The following NELFCD variants were observed in gnomAD, a reference collection of about 807,000 sequenced individuals.
The protein encoded by NELFCD is negative elongation factor complex member C/D.
NELFCD carries 48 observed loss-of-function variants against 72.9 expected under a neutral mutation model. That is an observed-to-expected ratio of 0.66 (90% CI 0.52 to 0.84). The LOEUF (loss-of-function observed/expected upper bound fraction) is 0.84, where lower values mean the gene tolerates loss of function less well. NELFCD is among the 40% of genes least tolerant of loss of function. The pLI is 0.00. For missense variants in NELFCD, 538 were observed against 723.8 expected, an observed-to-expected ratio of 0.74 and a Z score of 2.94; for synonymous variants, 297 against 280.6, an observed-to-expected ratio of 1.06 and a Z score of -0.59.
rs752903752 is a variant in NELFCD, at chr20:58,986,174, A to C, written c.142A>C (p.Ile48Leu). The part of the protein sequence containing the change: ...CLHKFSTRDY[I>L]MEPSIFNTLK... The stretch of plus-strand genomic sequence containing the variant: ...GCATAAATTTTCCACCCGGGATTAT[A>C]TCATGGAACCCTCCATCTTCAACAC... Residue 48 changes from isoleucine (I) to leucine (L), a missense_variant, in exon 2 of 15, where the codon ATC becomes CTC. Ile to Leu is a conservative substitution (Grantham distance 5, BLOSUM62 2). Transcript: ENST00000652272. The surrounding 1 kb of genome is among the most constrained non-coding windows in gnomAD (Gnocchi z 4.4). The C allele has an allele frequency of 6.2e-7, 1 of 1,613,592 alleles. No individual in the cohort carries two copies. The highest frequency in any genetic ancestry group is 8.5e-7 in the Non-Finnish European group (1 of 1,179,466).
In NELFCD at chr20:58,987,071, G is replaced by A. The variant is rs574176599; in HGVS notation, c.286+208G>A. 141 of 514,934 alleles carry A rather than the reference G, an allele frequency of 2.7e-4. 1 individual carries two copies. In the South Asian group the frequency reaches 3.6e-3, roughly 13 times the overall value. The allele number at this position is 514,934 out of a possible 1,614,324, so 31.9% of individuals were successfully genotyped here. A position where few individuals can be genotyped will look rare whatever the true frequency, so the allele number is the denominator to read the frequency against. ...TCTTATCTTTGATTCAGTAATTGAG[G>A]TTTACTGGTAGCCTGCAAACGTGAT... is the stretch of plus-strand genomic sequence containing the variant. On this transcript the variant is annotated intron_variant, in intron 3 of 14. Coordinates refer to ENST00000652272, the MANE Select transcript of NELFCD (RefSeq NM_198976.4).
At chr20:58,987,417 C>G (rs1360067096) in intron 3 of NELFCD, 1 of 388,670 alleles carries the variant, frequency 2.6e-6, no homozygotes, top group Non-Finnish European at 4.6e-6. Flanking sequence ...TTTTTCCATC[C>G]CCCTACCTGT....
In NELFCD at chr20:58,986,629, C is replaced by T; in HGVS notation, c.177-125C>T. ...AAGTGCTGGGATTACAGGTGTGCAC[C>T]ACTGCACCCAGCCCCCTCCGCTGCT... On this transcript the variant is annotated intron_variant, in intron 2 of 14. Transcript: ENST00000652272. The surrounding 1 kb of genome is among the most constrained non-coding windows in gnomAD (Gnocchi z 4.4). 1 of 770,554 alleles carries T rather than the reference C, an allele frequency of 1.3e-6. No individual in the cohort carries two copies. Among genetic ancestry groups the T allele is most frequent in the Non-Finnish European group, 2.4e-6 (1 of 421,686 alleles). 47.7% of individuals were successfully genotyped at this position (770,554 alleles called of 1,614,324 possible). A position where few individuals can be genotyped will look rare whatever the true frequency, so the allele number is the denominator to read the frequency against.
Position 58,994,708 on chromosome 20 carries a change from A to G in NELFCD, c.*32A>G. ...GCATCCTCCAGAGCTGAAGCAGAAC[A>G]TTCCAGAACCCGTTGTGGAAAAACC... On this transcript the variant is annotated 3_prime_UTR_variant, in exon 15 of 15. Coordinates refer to ENST00000652272, the MANE Select transcript of NELFCD (RefSeq NM_198976.4). 1 of 1,586,532 alleles carries G rather than the reference A, an allele frequency of 6.3e-7. No individual in the cohort carries two copies. The highest frequency in any genetic ancestry group is 8.6e-7 in the Non-Finnish European group (1 of 1,158,814).
intron 1 of NELFCD, among the ~76,000 whole-genome samples, 181 bp downstream of exon 1, chr20:58,981,550 G>A (rs1421528427): frequency 1.6e-5 from 2 of 125,194 alleles, no homozygotes; most frequent in Non-Finnish European, 3.7e-5. Context: ...CCGCCCGCCC[G>A]GGGTCCCGCG....
intron 14 of NELFCD, among the ~76,000 whole-genome samples, 153 bp from the exon 15 acceptor site, chr20:58,994,489 G>A (rs187156916): frequency 6.6e-6 from 1 of 151,094 alleles, no homozygotes; most frequent in Non-Finnish European, 1.5e-5. Flanking sequence ...CTTAACCTGG[G>A]AGGCAGAGGT....
In NELFCD at chr20:58,993,385, C is replaced by T. The variant is rs1304935064; in HGVS notation, c.1345-64C>T. On this transcript the variant is annotated intron_variant, in intron 11 of 14. Transcript: ENST00000652272. This position sits in a 1 kb window ranked among gnomAD's most constrained non-coding sequence, Gnocchi z 5.0. Reference sequence around the variant, plus strand: ...GCTCTTTGGTGGCTGTGACAGTGCCCAGTTTCTCTGTGTGCTGAGCGTGAC... The same window carrying T: ...GCTCTTTGGTGGCTGTGACAGTGCCTAGTTTCTCTGTGTGCTGAGCGTGAC... The T allele has an allele frequency of 1.7e-5, 25 of 1,495,398 alleles. No individual in the cohort carries two copies. Among genetic ancestry groups the T allele is most frequent in the East Asian group, 2.3e-5 (1 of 44,024 alleles). The allele number at this position is 1,495,398 out of a possible 1,614,324, so 92.6% of individuals were successfully genotyped here. A position where few individuals can be genotyped will look rare whatever the true frequency, so the allele number is the denominator to read the frequency against.
rs753587302 is a variant in NELFCD, at chr20:58,988,896, TTG to T, written c.397-8_397-7del. ...GTGGGGCCTCCTCCTATCTTGCTGT[TTG>T]TGTGTGTGTTGGCAGACCCCAGCGT... On this transcript the variant is annotated splice_polypyrimidine_tract_variant and intron_variant, in intron 4 of 14. Coordinates refer to ENST00000652272, the MANE Select transcript of NELFCD (RefSeq NM_198976.4). 21 of 1,582,910 alleles carry T rather than the reference TTG, an allele frequency of 1.3e-5. No individual in the cohort carries two copies. Among genetic ancestry groups the T allele is most frequent in the Non-Finnish European group, 1.6e-5 (18 of 1,151,810 alleles).
chr20:58,991,125 G>T, intron 8 of NELFCD, 50 bp downstream of exon 8: 1 of 1,597,260 alleles, frequency 6.3e-7, no homozygotes, highest in Non-Finnish European at 8.6e-7. Context: ...GGTGACTTTG[G>T]AAAGTCTGTG....
chr20:58,981,720 A>G (rs1189355200), intron 1 of NELFCD, among the ~76,000 whole-genome samples: 2 of 151,826 alleles, frequency 1.3e-5, no homozygotes, highest in Admixed American at 1.3e-4. Context: ...CGGGACACCA[A>G]CGCTAAGGTG....
At chr20:58,987,019 T>G (rs1391225614) in intron 3 of NELFCD, 156 bp downstream of exon 3, 6 of 566,800 alleles carry the variant, frequency 1.1e-5, no homozygotes, top group Non-Finnish European at 1.9e-5. Context: ...TTTTTATCTT[T>G]ATCTTACTCA....
intron 1 of NELFCD, among the ~76,000 whole-genome samples, chr20:58,985,596 C>T (rs1289938923): frequency 6.6e-6 from 1 of 152,190 alleles, no homozygotes; most frequent in Non-Finnish European, 1.5e-5. Context: ...TCTTTACTTT[C>T]TAATGGTAAG....
At position 58,993,535 on chromosome 20, in the gene NELFCD, G is replaced by C. The variant is rs376830862; in HGVS notation, c.1431G>C (p.Val477=). ...LFETEHSQLD[V]MEQLELKKTL... Reference sequence around the variant, plus strand: ...AGACTGAGCACTCCCAGCTGGACGTGATGGAGCAGGTGAGCAGTGCCCGTG... The same window carrying C: ...AGACTGAGCACTCCCAGCTGGACGTCATGGAGCAGGTGAGCAGTGCCCGTG... The change falls in exon 12 of 15, where the codon GTG becomes GTC. Residue 477 remains valine, a synonymous_variant. Transcript: ENST00000652272. The surrounding 1 kb of genome is among the most constrained non-coding windows in gnomAD (Gnocchi z 5.0). 1 of 1,614,130 alleles carries C rather than the reference G, an allele frequency of 6.2e-7. No individual in the cohort carries two copies. The highest frequency in any genetic ancestry group is 8.5e-7 in the Non-Finnish European group (1 of 1,180,060).
At chr20:58,992,961 A>G (rs374995793) in intron 10 of NELFCD, 37 bp from the exon 11 acceptor site, 6 of 1,453,564 alleles carry the variant, frequency 4.1e-6, no homozygotes, top group Non-Finnish European at 5.8e-6. Context: ...TGTGTTTTAA[A>G]TTGTTTTTTA....
At position 58,986,989 on chromosome 20, in the gene NELFCD, A is replaced by G; in HGVS notation, c.286+126A>G. On this transcript the variant is annotated intron_variant, in intron 3 of 14. Coordinates refer to ENST00000652272, the MANE Select transcript of NELFCD (RefSeq NM_198976.4). The surrounding 1 kb of genome is among the most constrained non-coding windows in gnomAD (Gnocchi z 4.4). ...CTGGTTTCTGAGACTTGTGTAAGAA[A>G]GAGCTGAACTTCTTACTCATTTTTA... The G allele has an allele frequency of 1.7e-6, 1 of 587,822 alleles. No individual in the cohort carries two copies. Among genetic ancestry groups the G allele is most frequent in the Admixed American group, 3.7e-5 (1 of 27,170 alleles). 36.4% of individuals were successfully genotyped at this position (587,822 alleles called of 1,614,324 possible).
rs984243307 is a variant in NELFCD, at chr20:58,986,728, G to A, written c.177-26G>A. Reference sequence around the variant, plus strand: ...TGTCCATCATTCCATTCATTCGGGTGTAATTGCTGTTGTTACTTTCCCTAG... The same window carrying A: ...TGTCCATCATTCCATTCATTCGGGTATAATTGCTGTTGTTACTTTCCCTAG... On this transcript the variant is annotated intron_variant, in intron 2 of 14. Coordinates refer to ENST00000652272, the MANE Select transcript of NELFCD (RefSeq NM_198976.4). The surrounding 1 kb of genome is among the most constrained non-coding windows in gnomAD (Gnocchi z 4.4). 1.5e-6 allele frequency: 2 copies of A among 1,348,978 alleles called. No individual in the cohort carries two copies. Among genetic ancestry groups the A allele is most frequent in the African/African-American group, 1.4e-5 (1 of 69,764 alleles). 83.6% of individuals were successfully genotyped at this position (1,348,978 alleles called of 1,614,324 possible). A position where few individuals can be genotyped will look rare whatever the true frequency, so the allele number is the denominator to read the frequency against.
intron 1 of NELFCD, among the ~76,000 whole-genome samples, chr20:58,983,014 C>G (rs539310063): frequency 7.9e-5 from 12 of 152,056 alleles, no homozygotes; most frequent in Non-Finnish European, 1.5e-4. Context: ...AACCCACATC[C>G]TTTGCCTCCG....
chr20:58,983,924 C>G lies in NELFCD; in HGVS notation c.61-2169C>G, dbSNP rs534603549. On this transcript the variant is annotated intron_variant, in intron 1 of 14. Transcript: ENST00000652272. ...ATGATCCTAATTTGGCCCACTGACA[C>G]CAGTGGGCTCTCATGGATGAGGGGG... 1.4e-4 allele frequency among the ~76,000 whole-genome samples: 21 copies of G among 152,176 alleles called. No individual in the cohort carries two copies. The South Asian group carries it at 4.2e-3, about 30-fold the overall frequency.
rs907301245 is a variant in NELFCD at position 58,993,019 on chromosome 20, T to C, written c.1251T>C (p.Gly417=). Residue 417 remains glycine, a synonymous_variant, in exon 11 of 15, where the codon GGT becomes GGC. Transcript: ENST00000652272. This position sits in a 1 kb window ranked among gnomAD's most constrained non-coding sequence, Gnocchi z 5.0. The part of the protein sequence containing the change: ...QCIRFPVVAM[G]VLKWVDWTVS... ...GTAGGTTTCCAGTGGTAGCAATGGG[T>C]GTGCTGAAGTGGGTGGATTGGACTG... 1.8e-5 allele frequency: 29 copies of C among 1,613,812 alleles called. No homozygotes were observed. The highest frequency in any genetic ancestry group is 2.5e-5 in the Non-Finnish European group (29 of 1,179,864).
Sources: gnomAD v4.1 joint callset for allele counts (sites outside exome capture counted in the v4.1 genomes callset) on GRCh38, gnomAD v4.1.1 for gene constraint, Gnocchi (gnomAD v3.1) non-coding constraint, MANE v1.5 for transcripts, NCBI Gene and HGNC (gene_info 2026-07-23, HGNC 2026-07-21) for gene names.